The following TCEA1 variants were observed in gnomAD, a reference collection of about 807,000 sequenced individuals.
TCEA1 encodes transcription elongation factor A1.
Under a neutral mutation model 43.8 loss-of-function variants are expected in TCEA1, and 21 were observed. The ratio of observed to expected loss-of-function variants is 0.48; its 90% CI spans 0.34 to 0.69. The LOEUF (loss-of-function observed/expected upper bound fraction) is 0.69. Ranked by LOEUF, TCEA1 falls within the 30% of genes least tolerant of loss-of-function variation. The pLI, the probability that TCEA1 is intolerant of heterozygous loss-of-function variation, is 0.01. For synonymous variants in TCEA1, 104 were observed against 117.5 expected (o/e 0.88, Z 0.75); for missense variants, 250 against 365.1 (o/e 0.68, Z 2.57).
chr8:53,970,172 A>T, intron 9 of TCEA1: 1 of 563,994 alleles, frequency 1.8e-6, no homozygotes, highest in South Asian at 2.2e-5. Flanking sequence ...CATTTCCTGC[A>T]CCAAAACAAA....
chr8:54,018,029 T>C (rs1804892982), intron 1 of TCEA1, among the ~76,000 whole-genome samples: 1 of 152,240 alleles, frequency 6.6e-6, no homozygotes, highest in African/African-American at 2.4e-5. Flanking sequence ...AGAATGAATT[T>C]AATTCTATTT....
intron 2 of TCEA1, among the ~76,000 whole-genome samples, chr8:54,001,993 A>AAAAC (rs893006868): frequency 2.7e-5 from 4 of 150,262 alleles, no homozygotes; most frequent in African/African-American, 5.0e-5. Flanking sequence ...AAAAAAACAA[A>AAAAC]AAACAAACAA....
chr8:53,994,011 A>C (rs2129306247), intron 3 of TCEA1, among the ~76,000 whole-genome samples: 1 of 152,362 alleles, frequency 6.6e-6, no homozygotes, highest in South Asian at 2.1e-4. Context: ...AAGTATATGG[A>C]ACAAAGAGAT....
intron 8 of TCEA1, chr8:53,973,515 C>A: frequency 2.0e-6 from 1 of 506,786 alleles, no homozygotes; most frequent in Admixed American, 2.8e-5. Flanking sequence ...ACAAAATCTG[C>A]AAAAGATGGC....
At chr8:53,990,584 A>C (rs534988922) in intron 4 of TCEA1, among the ~76,000 whole-genome samples, 3 of 152,192 alleles carry the variant, frequency 2.0e-5, no homozygotes, top group African/African-American at 7.2e-5. Context: ...GCTAGTCTCA[A>C]ACTCCTGGGC....
rs932988348 is a variant in TCEA1, at chr8:53,975,748, A to G, written c.825+3277T>C. Reference sequence around the variant, plus strand: ...TTGGGCTGGGGAGAGGGGAATGGGGAGTTACTGTTTAATGGGTAAAGAGTT... The same window carrying G: ...TTGGGCTGGGGAGAGGGGAATGGGGGGTTACTGTTTAATGGGTAAAGAGTT... On this transcript the variant is annotated intron_variant, in intron 8 of 9. Coordinates refer to ENST00000521604, the MANE Select transcript of TCEA1 (RefSeq NM_006756.4). Among the ~76,000 whole-genome samples the G allele has an allele frequency of 2.0e-5, 3 of 152,254 alleles. No individual in the cohort carries two copies. In the East Asian group the frequency reaches 5.8e-4, roughly 29 times the overall value.
intron 2 of TCEA1, among the ~76,000 whole-genome samples, chr8:54,005,238 G>T (rs1213869984): frequency 6.6e-6 from 1 of 152,034 alleles, no homozygotes; most frequent in Non-Finnish European, 1.5e-5. Context: ...TACATATATG[G>T]CTATTTAAAA....
intron 6 of TCEA1, among the ~76,000 whole-genome samples, chr8:53,984,889 A>C (rs893429363): frequency 1.3e-5 from 2 of 152,158 alleles, no homozygotes; most frequent in African/African-American, 2.4e-5. Flanking sequence ...CTTAAAAAAA[A>C]AAACAAACCT....
chr8:54,022,037 C>T lies in TCEA1; in HGVS notation c.63+26G>A, dbSNP rs755651257. 5 of 1,575,262 alleles carry T rather than the reference C, an allele frequency of 3.2e-6. No homozygotes were observed. In the South Asian group the frequency reaches 4.6e-5, roughly 14 times the overall value. On this transcript the variant is annotated intron_variant, in intron 1 of 9. Transcript: ENST00000521604. Reference sequence around the variant, plus strand: ...CCGGACCGCGGCCCGGCCTCCCTCCCGGCCCGCGCCGCTCGCCGCGCTCAC... The same window carrying T: ...CCGGACCGCGGCCCGGCCTCCCTCCTGGCCCGCGCCGCTCGCCGCGCTCAC...
chr8:53,991,251 G>T (rs533214434), intron 4 of TCEA1, among the ~76,000 whole-genome samples: 2 of 151,882 alleles, frequency 1.3e-5, no homozygotes, highest in East Asian at 3.9e-4. Context: ...AAATTAGCTG[G>T]GTGTGTTGAC....
At chr8:53,975,909 CT>C (rs1273340154) in intron 8 of TCEA1, among the ~76,000 whole-genome samples, 1 of 152,026 alleles carries the variant, frequency 6.6e-6, no homozygotes, top group Non-Finnish European at 1.5e-5. Context: ...ACCACAACTA[CT>C]TTTTTTAAAA....
At chr8:54,018,128 T>C (rs1804896998) in intron 1 of TCEA1, among the ~76,000 whole-genome samples, 1 of 152,216 alleles carries the variant, frequency 6.6e-6, no homozygotes, top group Non-Finnish European at 1.5e-5. Context: ...TATCAAAGTT[T>C]TGTTGCAGTT....
rs1338320545 is a variant in TCEA1, at chr8:53,968,057, A to G, written c.*47T>C. 5.9e-6 allele frequency: 9 copies of G among 1,518,582 alleles called. 1 individual carries two copies. The South Asian group carries it at 1.1e-4, about 19-fold the overall frequency. 94.1% of individuals were successfully genotyped at this position (1,518,582 alleles called of 1,614,324 possible). A position where few individuals can be genotyped will look rare whatever the true frequency, so the allele number is the denominator to read the frequency against. Reference sequence around the variant, plus strand: ...CTTGGCCTAGTTTAAAGCTAGTTACAAAATCCGTTTTCTTAATGGTCCAGA... The same window carrying G: ...CTTGGCCTAGTTTAAAGCTAGTTACGAAATCCGTTTTCTTAATGGTCCAGA... On this transcript the variant is annotated 3_prime_UTR_variant, in exon 10 of 10. Transcript: ENST00000521604.
intron 9 of TCEA1, among the ~76,000 whole-genome samples, chr8:53,969,411 T>G (rs1454304676): frequency 1.3e-5 from 2 of 152,204 alleles, no homozygotes; most frequent in Non-Finnish European, 2.9e-5. Flanking sequence ...TGGCTTCTAG[T>G]TCATTTCTGA....
In TCEA1 at chr8:53,966,609, C is replaced by T. The variant is rs1802994982; in HGVS notation, c.*1495G>A. The T allele has an allele frequency of 5.5e-6, 1 of 180,588 alleles. No individual in the cohort carries two copies. The highest frequency in any genetic ancestry group is 6.3e-5 in the Admixed American group (1 of 15,904). 11.2% of individuals were successfully genotyped at this position (180,588 alleles called of 1,614,324 possible). ...GAATTACAAATTTTAAAATGGATCA[C>T]TTAAAAGTGAGATTATTTTATTCTG... On this transcript the variant is annotated 3_prime_UTR_variant, in exon 10 of 10. Coordinates refer to ENST00000521604, the MANE Select transcript of TCEA1 (RefSeq NM_006756.4).
At chr8:53,993,780 T>C in intron 3 of TCEA1, 25 bp from the exon 4 acceptor site, 1 of 1,586,504 alleles carries the variant, frequency 6.3e-7, no homozygotes, top group Non-Finnish European at 8.6e-7. Context: ...ATCTCTTAAG[T>C]TGCTAGCATT....
At chr8:53,992,052 C>A (rs1803900579) in intron 4 of TCEA1, among the ~76,000 whole-genome samples, 1 of 152,092 alleles carries the variant, frequency 6.6e-6, no homozygotes, top group South Asian at 2.1e-4. Flanking sequence ...TGGCTTACGC[C>A]TATAATCCCA....
intron 7 of TCEA1, among the ~76,000 whole-genome samples, chr8:53,981,924 T>C (rs1340444155): frequency 8.8e-6 from 1 of 113,354 alleles, no homozygotes; most frequent in Non-Finnish European, 1.6e-5. Flanking sequence ...CCAGCTAAGT[T>C]TTCTTTTTTT....
chr8:53,973,883 G>A, intron 8 of TCEA1: 1 of 322,554 alleles, frequency 3.1e-6, no homozygotes, highest in African/African-American at 2.3e-5. Context: ...AGGCAATAAA[G>A]AAAAAAGAGG....
Sources: gnomAD v4.1 joint callset for allele counts (sites outside exome capture counted in the v4.1 genomes callset) on GRCh38, gnomAD v4.1.1 for gene constraint, MANE v1.5 for transcripts, NCBI Gene and HGNC (gene_info 2026-07-23, HGNC 2026-07-21) for gene names.